The following STX2 variants were observed in gnomAD, a reference collection of about 807,000 sequenced individuals.
The protein encoded by STX2 is syntaxin 2.
Under a neutral mutation model 40.6 loss-of-function variants are expected in STX2, and 27 were observed. The ratio of observed to expected loss-of-function variants is 0.66; its 90% CI spans 0.49 to 0.92. The LOEUF (loss-of-function observed/expected upper bound fraction) is 0.92, where lower values mean the gene tolerates loss of function less well. STX2 is among the 40% of genes least tolerant of loss of function. The pLI, the probability that STX2 is intolerant of heterozygous loss-of-function variation, is 0.00. For synonymous variants in STX2, 123 were observed against 119.1 expected (o/e 1.03, Z -0.22); for missense variants, 328 against 366.1 (o/e 0.90, Z 0.85).
intron 1 of STX2, among the ~76,000 whole-genome samples, chr12:130,832,164 C>CT (rs1952589021): frequency 2.0e-5 from 3 of 149,106 alleles, no homozygotes; most frequent in African/African-American, 2.5e-5. Flanking sequence ...GCAATTTAAT[C>CT]ATTTTTTTTT....
At chr12:130,802,370 G>T (rs1373867108) in intron 6 of STX2, among the ~76,000 whole-genome samples, 4 of 152,152 alleles carry the variant, frequency 2.6e-5, no homozygotes, top group African/African-American at 9.7e-5. Flanking sequence ...GCTAATTTTT[G>T]TATTTTTAGT....
In STX2 at chr12:130,807,284, A is replaced by C. The variant is rs1951471963; in HGVS notation, c.355-194T>G. On this transcript the variant is annotated intron_variant, in intron 5 of 10. Transcript: ENST00000392373. ...TGCATGATCTTACCTAATTTTTACA[A>C]GACCCCTACTATGCCGGTCACAACC... 1.3e-5 allele frequency among the ~76,000 whole-genome samples: 2 copies of C among 151,760 alleles called. 1 individual carries two copies. Among genetic ancestry groups the C allele is most frequent in the South Asian group, 4.1e-4 (2 of 4,820 alleles).
rs1406462406 is a variant in STX2 at position 130,809,086 on chromosome 12, C to G, written c.281-382G>C. On this transcript the variant is annotated intron_variant, in intron 4 of 10. Coordinates refer to ENST00000392373, the MANE Select transcript of STX2 (RefSeq NM_194356.4). ...TTTGCCATGTTGCCCAGGCTGGTCT[C>G]GAACTCATGAGCTCAACTGATCCGC... 4.6e-5 allele frequency among the ~76,000 whole-genome samples: 7 copies of G among 152,306 alleles called. No individual in the cohort carries two copies. In the South Asian group the frequency reaches 8.3e-4, roughly 18 times the overall value.
Position 130,821,693 on chromosome 12 carries a change from T to C in STX2, c.201A>G (p.Glu67=), listed in dbSNP as rs1216651213. 1 of 1,613,488 alleles carries C rather than the reference T, an allele frequency of 6.2e-7. No individual in the cohort carries two copies. Among genetic ancestry groups the C allele is most frequent in the Non-Finnish European group, 8.5e-7 (1 of 1,179,398 alleles). ...HSIILSAPNP[E]GKIKEELEDL... is the part of the protein sequence containing the mutation. Reference sequence around the variant, plus strand: ...TTGTGAAAACCAACAACTTACTTCCTTCCGGGTTTGGTGCAGAAAGAATGA... The same window carrying C: ...TTGTGAAAACCAACAACTTACTTCCCTCCGGGTTTGGTGCAGAAAGAATGA... Residue 67 remains glutamate, a synonymous_variant, in exon 3 of 11, where the codon GAA becomes GAG. Coordinates refer to ENST00000392373, the MANE Select transcript of STX2 (RefSeq NM_194356.4).
At chr12:130,792,134 C>A (rs984186772) in intron 10 of STX2, among the ~76,000 whole-genome samples, 157 bp from the exon 11 acceptor site, 6 of 152,210 alleles carry the variant, frequency 3.9e-5, no homozygotes, top group Admixed American at 1.3e-4. Context: ...GATCTTGGCT[C>A]ACAGCAACCT....
At chr12:130,808,148 T>C (rs576128864) in intron 5 of STX2, among the ~76,000 whole-genome samples, 2 of 152,210 alleles carry the variant, frequency 1.3e-5, no homozygotes, top group African/African-American at 4.8e-5. Context: ...CTCCCTCACC[T>C]CAGGCTCACA....
chr12:130,834,288 C>T (rs1021899466), intron 1 of STX2, among the ~76,000 whole-genome samples: 2 of 142,578 alleles, frequency 1.4e-5, no homozygotes, highest in Admixed American at 7.4e-5. Context: ...ACCCTAGAGG[C>T]GGAGGATGCA....
intron 3 of STX2, among the ~76,000 whole-genome samples, chr12:130,814,029 A>C (rs1034142369): frequency 6.6e-6 from 1 of 152,182 alleles, no homozygotes; most frequent in Non-Finnish European, 1.5e-5. Flanking sequence ...GAGCATACGC[A>C]GGGTGCCCCG....
chr12:130,817,425 G>T (rs1371135813), intron 3 of STX2, among the ~76,000 whole-genome samples: 1 of 152,060 alleles, frequency 6.6e-6, no homozygotes, highest in African/African-American at 2.4e-5. Context: ...GAGAAAAAAT[G>T]ATGAAAAATA....
At chr12:130,833,595 G>A (rs1593196458) in intron 1 of STX2, among the ~76,000 whole-genome samples, 1 of 152,054 alleles carries the variant, frequency 6.6e-6, no homozygotes, top group South Asian at 2.1e-4. Context: ...ATCTTTAGTA[G>A]AGACGAGGTT....
intron 3 of STX2, among the ~76,000 whole-genome samples, chr12:130,818,185 A>AAAATATATATATATATATATATAT: frequency 1.6e-4 from 11 of 70,534 alleles, no homozygotes; most frequent in African/African-American, 2.4e-4. Context: ...AAAAAAAAAA[A>AAAATATATATATATATATATATAT]ATATATATAT....
chr12:130,818,572 G>C (rs1951979910), intron 3 of STX2, among the ~76,000 whole-genome samples: 1 of 152,166 alleles, frequency 6.6e-6, no homozygotes, highest in Non-Finnish European at 1.5e-5. Context: ...AGGGCCTCAG[G>C]GGCCTCCGCA....
chr12:130,801,621 G>T, intron 6 of STX2, 133 bp from the exon 7 acceptor site: 1 of 928,538 alleles, frequency 1.1e-6, no homozygotes, highest in Non-Finnish European at 1.5e-6. Context: ...CTTTTCTTAA[G>T]CAGATATTGA....
chr12:130,820,047 CG>C (rs1211529172), intron 3 of STX2, among the ~76,000 whole-genome samples: 1 of 152,152 alleles, frequency 6.6e-6, no homozygotes, highest in African/African-American at 2.4e-5. Flanking sequence ...TTTCAACGTA[CG>C]GCTACACTAA....
chr12:130,829,443 C>A (rs1319243820), intron 1 of STX2, among the ~76,000 whole-genome samples: 2 of 152,232 alleles, frequency 1.3e-5, no homozygotes, highest in African/African-American at 4.8e-5. Context: ...TGATTCCACA[C>A]ACCCTGCTCT....
At chr12:130,812,862 T>C (rs1951712551) in intron 4 of STX2, 95 bp downstream of exon 4, 1 of 879,828 alleles carries the variant, frequency 1.1e-6, no homozygotes, top group South Asian at 1.6e-5. Flanking sequence ...TATTTTAATT[T>C]TTAAAAATGT....
intron 8 of STX2, among the ~76,000 whole-genome samples, chr12:130,799,092 A>G (rs1951130173): frequency 6.6e-6 from 1 of 152,250 alleles, no homozygotes; most frequent in African/African-American, 2.4e-5. Flanking sequence ...CACATCTGAC[A>G]CTCAGCTGAC....
At chr12:130,804,744 G>A (rs1166789083) in intron 6 of STX2, among the ~76,000 whole-genome samples, 1 of 151,402 alleles carries the variant, frequency 6.6e-6, no homozygotes, top group Non-Finnish European at 1.5e-5. Flanking sequence ...GCCACATGGA[G>A]GGTTTAGAAT....
rs369879339 is a variant in STX2, at chr12:130,796,072, C to T, written c.835G>A (p.Ala279Thr). The change falls in exon 10 of 11, where the codon GCT becomes ACT. Residue 279 changes from alanine to threonine, a missense_variant. By Grantham distance (58) the Ala-to-Thr change is moderately conservative. Coordinates refer to ENST00000392373, the MANE Select transcript of STX2 (RefSeq NM_194356.4). ...AVSVVLVAII[A>T]LIIGLSVGK ...CCAACTGACAAGCCAATAATTAGAGCGATTATGGCAACCAGAACCACTGAC... is the reference window on the plus strand; with the variant it reads ...CCAACTGACAAGCCAATAATTAGAGTGATTATGGCAACCAGAACCACTGAC... The T allele has an allele frequency of 1.2e-6, 2 of 1,614,088 alleles. No individual in the cohort carries two copies. The highest frequency in any genetic ancestry group is 8.5e-7 in the Non-Finnish European group (1 of 1,180,008).
Sources: gnomAD v4.1 joint callset for allele counts (sites outside exome capture counted in the v4.1 genomes callset) on GRCh38, gnomAD v4.1.1 for gene constraint, MANE v1.5 for transcripts, NCBI Gene and HGNC (gene_info 2026-07-23, HGNC 2026-07-21) for gene names.